The following FBLN5 variants were observed in gnomAD, a reference collection of about 807,000 sequenced individuals.
FBLN5 encodes fibulin-5.
FBLN5 carries 24 observed loss-of-function variants against 61.6 expected under a neutral mutation model. That is an observed-to-expected ratio of 0.39 (90% CI 0.28 to 0.55). The LOEUF (loss-of-function observed/expected upper bound fraction) is 0.55. Ranked by LOEUF, FBLN5 falls within the 20% of genes least tolerant of loss-of-function variation. The probability of loss-of-function intolerance (pLI) is 0.65; values close to 1 mark genes in which losing one functional copy is unlikely to be tolerated. For synonymous variants in FBLN5, 213 were observed against 219.8 expected (o/e 0.97, Z 0.27); for missense variants, 470 against 594.1 (o/e 0.79, Z 2.17).
At chr14:91,879,005 A>G (rs998765013) in intron 9 of FBLN5, among the ~76,000 whole-genome samples, 4 of 152,182 alleles carry the variant, frequency 2.6e-5, no homozygotes, top group Non-Finnish European at 5.9e-5. Context: ...GTTTGAGCCC[A>G]AAAGGTTGAG....
chr14:91,881,578 A>G (rs1595297363), intron 8 of FBLN5, among the ~76,000 whole-genome samples, 160 bp from the exon 9 acceptor site: 2 of 152,228 alleles, frequency 1.3e-5, no homozygotes, highest in Admixed American at 1.3e-4. Context: ...GGCTGATCCA[A>G]ATTGAGATGT....
intron 7 of FBLN5, among the ~76,000 whole-genome samples, chr14:91,884,010 T>C (rs1251047322): frequency 6.6e-6 from 1 of 152,252 alleles, no homozygotes. Context: ...CTTGCATTTG[T>C]TGTTTCCCAA....
chr14:91,924,791 T>C (rs1353540412), intron 4 of FBLN5, among the ~76,000 whole-genome samples: 1 of 152,156 alleles, frequency 6.6e-6, no homozygotes, highest in East Asian at 1.9e-4. Flanking sequence ...TACAGGGTGC[T>C]GTGGTCACCC....
At position 91,932,079 on chromosome 14, in the gene FBLN5, C is replaced by G. The variant is rs7159946; in HGVS notation, c.379+4868G>C. The stretch of plus-strand genomic sequence containing the variant: ...CCTTCAGCAGCCCCTCCCTGCTTAC[C>G]CGTTAACCATGTCTGTCTGGCTCTC... On this transcript the variant is annotated intron_variant, in intron 4 of 10. Coordinates refer to ENST00000342058, the MANE Select transcript of FBLN5 (RefSeq NM_006329.4). Among the ~76,000 whole-genome samples, 1,292 of 152,292 alleles carry G rather than the reference C, an allele frequency of 8.5e-3. 22 individuals carry two copies. The highest frequency in any genetic ancestry group is 0.029 in the African/African-American group (1,221 of 41,564).
At chr14:91,892,119 T>C (rs1465695462) in intron 5 of FBLN5, among the ~76,000 whole-genome samples, 1 of 152,216 alleles carries the variant, frequency 6.6e-6, no homozygotes, top group Non-Finnish European at 1.5e-5. Flanking sequence ...CTCCCTGTAA[T>C]ATGTATCCAT....
intron 4 of FBLN5, among the ~76,000 whole-genome samples, chr14:91,895,797 CAAAAAAAAAA>C (rs60216411): frequency 3.1e-5 from 2 of 63,500 alleles, no homozygotes; most frequent in Non-Finnish European, 5.5e-5. Flanking sequence ...GACCCTGTCT[CAAAAAAAAAA>C]AAAAAAAAAA....
At position 91,936,000 on chromosome 14, in the gene FBLN5, G is replaced by T. The variant is rs188425339; in HGVS notation, c.379+947C>A. ...CTGAAGACACTTGTCTGCAATTATT[G>T]TATTAAAAAGAGAATGCACACTCCT... On this transcript the variant is annotated intron_variant, in intron 4 of 10. Transcript: ENST00000342058. Among the ~76,000 whole-genome samples, 8 of 152,258 alleles carry T rather than the reference G, an allele frequency of 5.3e-5. No individual in the cohort carries two copies. The East Asian group carries it at 1.5e-3, about 29-fold the overall frequency.
At chr14:91,935,892 A>C (rs1221318987) in intron 4 of FBLN5, among the ~76,000 whole-genome samples, 1 of 152,200 alleles carries the variant, frequency 6.6e-6, no homozygotes, top group Non-Finnish European at 1.5e-5. Flanking sequence ...TCCCCACGCC[A>C]ACACACACAG....
rs2056031806 is a variant in FBLN5, at chr14:91,937,158, G to A, written c.168C>T (p.Asp56=). ...CRTIPEACRG[D]MMCVNQNGGY... ...CGCCATTTTGGTTAACACACATCAT[G>A]TCTCCTCGGCAGGCCTCGGGGATGG... The change falls in exon 4 of 11, where the codon GAC becomes GAT. Residue 56 remains aspartate, a synonymous_variant. Transcript: ENST00000342058. 1 of 1,614,132 alleles carries A rather than the reference G, an allele frequency of 6.2e-7. No individual in the cohort carries two copies. The highest frequency in any genetic ancestry group is 8.5e-7 in the Non-Finnish European group (1 of 1,180,028).
In FBLN5 at chr14:91,916,298, A is replaced by G. The variant is rs570372446; in HGVS notation, c.379+20649T>C. The stretch of plus-strand genomic sequence containing the variant: ...CCATCTCTACAAAAAGAATACAAAA[A>G]TTAGCCAGGCCTGGTGGCCGGTGCC... On this transcript the variant is annotated intron_variant, in intron 4 of 10. Transcript: ENST00000342058. Among the ~76,000 whole-genome samples, 14 of 152,250 alleles carry G rather than the reference A, an allele frequency of 9.2e-5. No individual in the cohort carries two copies. The South Asian group carries it at 2.7e-3, about 29-fold the overall frequency.
At position 91,877,679 on chromosome 14, in the gene FBLN5, G is replaced by GTC; in HGVS notation, c.992_993insGA (p.Cys332ThrfsTer75). ...CAGGGTTCTCAGCAGGACACATACA[G>GTC]CGGCTGTGGAAAGGGAAATCACGTG... On this transcript the variant is annotated frameshift_variant, in exon 10 of 11. Coordinates refer to ENST00000342058, the MANE Select transcript of FBLN5 (RefSeq NM_006329.4). LOFTEE classifies it high-confidence loss of function. 6.2e-7 allele frequency: 1 copy of GTC among 1,613,730 alleles called. No homozygotes were observed. Among genetic ancestry groups the GTC allele is most frequent in the South Asian group, 1.1e-5 (1 of 91,070 alleles).
chr14:91,895,221 G>T, intron 4 of FBLN5, 149 bp from the exon 5 acceptor site: 1 of 856,222 alleles, frequency 1.2e-6, no homozygotes, highest in Non-Finnish European at 1.9e-6. Flanking sequence ...TCCCCGATGG[G>T]CACCTCTAGG....
At chr14:91,942,310 C>G in intron 2 of FBLN5, 1 of 384,606 alleles carries the variant, frequency 2.6e-6, no homozygotes, top group Admixed American at 3.3e-5. Flanking sequence ...AGGTTTGGAG[C>G]TGAATTATGC....
At chr14:91,880,222 G>A (rs866030345) in intron 9 of FBLN5, among the ~76,000 whole-genome samples, 4 of 152,086 alleles carry the variant, frequency 2.6e-5, no homozygotes, top group East Asian at 1.9e-4. Context: ...CAATATTCAC[G>A]GAGCAGTCCA....
chr14:91,882,946 A>G lies in FBLN5; in HGVS notation c.862+8T>C. 1.2e-6 allele frequency: 2 copies of G among 1,613,706 alleles called. No individual in the cohort carries two copies. Among genetic ancestry groups the G allele is most frequent in the Non-Finnish European group, 1.7e-6 (2 of 1,179,732 alleles). On this transcript the variant is annotated splice_region_variant and intron_variant, in intron 8 of 10. Coordinates refer to ENST00000342058, the MANE Select transcript of FBLN5 (RefSeq NM_006329.4). This position sits in a 1 kb window ranked among gnomAD's most constrained non-coding sequence, Gnocchi z 4.9. ...ACACCCCAGCCAGGCCCCTCCGGAC[A>G]GCCTTACCTTGGCAGCTTCGGTTGT...
At chr14:91,895,830 G>A (rs1407221539) in intron 4 of FBLN5, among the ~76,000 whole-genome samples, 1 of 140,640 alleles carries the variant, frequency 7.1e-6, no homozygotes, top group African/African-American at 2.7e-5. Flanking sequence ...AAAGTTCCCT[G>A]CCAACAGAAG....
intron 4 of FBLN5, among the ~76,000 whole-genome samples, chr14:91,915,241 A>T (rs564797830): frequency 1.3e-5 from 2 of 152,288 alleles, no homozygotes; most frequent in Non-Finnish European, 2.9e-5. Flanking sequence ...GTCAGCAAAG[A>T]TCAAATAGAT....
chr14:91,882,837 C>G lies in FBLN5; in HGVS notation c.862+117G>C. 8.1e-7 allele frequency: 1 copy of G among 1,230,814 alleles called. No individual in the cohort carries two copies. The highest frequency in any genetic ancestry group is 1.3e-5 in the South Asian group (1 of 77,124). The allele number at this position is 1,230,814 out of a possible 1,614,324, so 76.2% of individuals were successfully genotyped here. A position where few individuals can be genotyped will look rare whatever the true frequency, so the allele number is the denominator to read the frequency against. ...CCACCAGCACCCACTCACACCCCCA[C>G]CCCTGCCACCTTCCCAAAGCTGCAC... On this transcript the variant is annotated intron_variant, in intron 8 of 10. Coordinates refer to ENST00000342058, the MANE Select transcript of FBLN5 (RefSeq NM_006329.4). This position sits in a 1 kb window ranked among gnomAD's most constrained non-coding sequence, Gnocchi z 4.9.
intron 4 of FBLN5, among the ~76,000 whole-genome samples, chr14:91,917,557 CAG>C (rs1295058547): frequency 9.5e-6 from 1 of 105,246 alleles, no homozygotes; most frequent in Non-Finnish European, 1.7e-5. Context: ...GCCTGGGTGA[CAG>C]AGTGAGACTC....
Sources: gnomAD v4.1 joint callset for allele counts (sites outside exome capture counted in the v4.1 genomes callset) on GRCh38, gnomAD v4.1.1 for gene constraint, Gnocchi (gnomAD v3.1) non-coding constraint, MANE v1.5 for transcripts, NCBI Gene and HGNC (gene_info 2026-07-23, HGNC 2026-07-21) for gene names.